Variants in LYPLA1 observed in about 807,000 individuals in gnomAD.
The protein encoded by LYPLA1 is acyl-protein thioesterase 1.
Under a neutral mutation model 34.0 loss-of-function variants are expected in LYPLA1, and 17 were observed. The observed-to-expected ratio is 0.50, with a 90% CI of 0.34 to 0.75. The LOEUF (loss-of-function observed/expected upper bound fraction) is 0.75. LYPLA1 is among the 30% of genes least tolerant of loss of function. The probability of loss-of-function intolerance (pLI) is 0.01; values close to 1 mark genes in which losing one functional copy is unlikely to be tolerated. For synonymous variants in LYPLA1, 98 were observed against 100.8 expected (o/e 0.97, Z 0.17); for missense variants, 203 against 288.8 (o/e 0.70, Z 2.15).
In LYPLA1 at chr8:54,047,277, T is replaced by C. The variant is rs539425859; in HGVS notation, c.*788A>G. The C allele has an allele frequency of 1.4e-3, 220 of 152,314 alleles. No individual in the cohort carries two copies. Among genetic ancestry groups the C allele is most frequent in the African/African-American group, 5.0e-3 (207 of 41,580 alleles). 9.4% of individuals were successfully genotyped at this position (152,314 alleles called of 1,614,324 possible). ...GTCTGGTTTCTCTATAAAGCATAAA[T>C]AGATTTTAAATACCTTATATCTGTG... On this transcript the variant is annotated 3_prime_UTR_variant, in exon 9 of 9. Coordinates refer to ENST00000316963, the MANE Select transcript of LYPLA1 (RefSeq NM_006330.4).
At chr8:54,076,927 C>T (rs1248750024) in intron 2 of LYPLA1, among the ~76,000 whole-genome samples, 1 of 152,166 alleles carries the variant, frequency 6.6e-6, no homozygotes, top group Non-Finnish European at 1.5e-5. Flanking sequence ...TGATTTCCCA[C>T]TTCACACCTC....
chr8:54,048,225 C>A (rs769438282), intron 8 of LYPLA1, 107 bp from the exon 9 acceptor site: 57 of 667,498 alleles, frequency 8.5e-5, no homozygotes, highest in Non-Finnish European at 1.4e-4. Context: ...AAGGCGAAAT[C>A]ACATTTTTAC....
At chr8:54,050,339 C>G (rs1805763683) in intron 8 of LYPLA1, among the ~76,000 whole-genome samples, 1 of 152,160 alleles carries the variant, frequency 6.6e-6, no homozygotes, top group South Asian at 2.1e-4. Flanking sequence ...TAATTAATCT[C>G]TAAATCCTGC....
intron 4 of LYPLA1, among the ~76,000 whole-genome samples, chr8:54,062,975 G>A (rs947931001): frequency 2.6e-5 from 4 of 152,094 alleles, no homozygotes; most frequent in Admixed American, 6.6e-5. Context: ...GAAGGGAAGC[G>A]GTTTCCTTAA....
intron 2 of LYPLA1, among the ~76,000 whole-genome samples, chr8:54,097,610 A>G (rs979146614): frequency 2.0e-5 from 3 of 152,352 alleles, no homozygotes; most frequent in Admixed American, 6.5e-5. Context: ...AAAATACCCT[A>G]GTCCTTCTCA....
intron 3 of LYPLA1, among the ~76,000 whole-genome samples, chr8:54,064,110 T>C (rs1281075034): frequency 7.0e-6 from 1 of 143,660 alleles, no homozygotes; most frequent in African/African-American, 2.5e-5. Context: ...TCAATATCCA[T>C]TCCAACGTAA....
intron 2 of LYPLA1, among the ~76,000 whole-genome samples, chr8:54,075,402 C>G (rs916191351): frequency 3.3e-5 from 5 of 152,154 alleles, no homozygotes; most frequent in African/African-American, 1.2e-4. Context: ...AGCCAGATGC[C>G]GAGTAAGAGA....
intron 5 of LYPLA1, 46 bp from the exon 6 acceptor site, chr8:54,055,179 C>A (rs1199070599): frequency 2.7e-6 from 3 of 1,112,934 alleles, no homozygotes; most frequent in East Asian, 2.4e-5. Context: ...CAGAGTTAAG[C>A]CCACTGATAA....
chr8:54,074,346 T>C (rs1807730710), intron 2 of LYPLA1, among the ~76,000 whole-genome samples: 3 of 152,342 alleles, frequency 2.0e-5, no homozygotes, highest in South Asian at 2.1e-4. Context: ...TTACAATTCC[T>C]GCAGTAAACA....
intron 8 of LYPLA1, among the ~76,000 whole-genome samples, chr8:54,049,773 C>A (rs933094287): frequency 6.6e-6 from 1 of 152,062 alleles, no homozygotes; most frequent in South Asian, 2.1e-4. Context: ...TCCTGTTTAC[C>A]AAAACTTTTT....
At chr8:54,086,687 A>G (rs1444339355) in intron 2 of LYPLA1, among the ~76,000 whole-genome samples, 1 of 151,534 alleles carries the variant, frequency 6.6e-6, no homozygotes, top group East Asian at 1.9e-4. Flanking sequence ...GCATAGTAAG[A>G]CCCCATCTCC....
chr8:54,070,806 T>G (rs956959753), intron 2 of LYPLA1, among the ~76,000 whole-genome samples: 4 of 152,204 alleles, frequency 2.6e-5, no homozygotes, highest in Non-Finnish European at 5.9e-5. Context: ...ACTGACATGC[T>G]ATAGCACGGA....
At chr8:54,054,364 A>G in intron 6 of LYPLA1, 1 of 152,556 alleles carries the variant, frequency 6.6e-6, no homozygotes, top group Middle Eastern at 3.2e-3. Flanking sequence ...ACAAACACCA[A>G]ATCAGTAACA....
At chr8:54,074,952 G>A (rs540528481) in intron 2 of LYPLA1, among the ~76,000 whole-genome samples, 1 of 152,248 alleles carries the variant, frequency 6.6e-6, no homozygotes, top group African/African-American at 2.4e-5. Context: ...AAACAATTAG[G>A]TAATGCCCCA....
At chr8:54,099,404 G>A (rs76076846) in intron 2 of LYPLA1, among the ~76,000 whole-genome samples, 1,602 of 152,286 alleles carry the variant, frequency 0.011, 14 homozygotes, top group Middle Eastern at 0.034. Flanking sequence ...TCACTTTTAA[G>A]TGGTGGCTCA....
In LYPLA1 at chr8:54,081,555, C is replaced by T. The variant is rs911902608; in HGVS notation, c.102-15742G>A. Among the ~76,000 whole-genome samples the T allele has an allele frequency of 5.9e-5, 9 of 152,124 alleles. No individual in the cohort carries two copies. The East Asian group carries it at 1.5e-3, about 26-fold the overall frequency. On this transcript the variant is annotated intron_variant, in intron 2 of 8. Coordinates refer to ENST00000316963, the MANE Select transcript of LYPLA1 (RefSeq NM_006330.4). ...CTTCGCATCCCGGGTTTAAGCGATTCTCCTACCTCAGCCTCCCGAGTAGCT... is the reference window on the plus strand; with the variant it reads ...CTTCGCATCCCGGGTTTAAGCGATTTTCCTACCTCAGCCTCCCGAGTAGCT...
chr8:54,072,993 G>A, intron 2 of LYPLA1: 1 of 349,360 alleles, frequency 2.9e-6, no homozygotes, highest in Non-Finnish European at 5.5e-6. Flanking sequence ...ACATGCTCAA[G>A]ATCATTAATG....
At chr8:54,060,134 T>G (rs1359881781) in intron 5 of LYPLA1, among the ~76,000 whole-genome samples, 2 of 151,756 alleles carry the variant, frequency 1.3e-5, no homozygotes, top group Non-Finnish European at 2.9e-5. Context: ...CTTTCTTTCT[T>G]TTTTTCCTGA....
At chr8:54,059,366 G>A (rs1334403737) in intron 5 of LYPLA1, among the ~76,000 whole-genome samples, 2 of 72,824 alleles carry the variant, frequency 2.7e-5, no homozygotes, top group Non-Finnish European at 4.1e-5. Context: ...CTGCAGTGGC[G>A]CAATCTCGGC....
Sources: gnomAD v4.1 joint callset for allele counts (sites outside exome capture counted in the v4.1 genomes callset) on GRCh38, gnomAD v4.1.1 for gene constraint, MANE v1.5 for transcripts, NCBI Gene and HGNC (gene_info 2026-07-23, HGNC 2026-07-21) for gene names.